The following BCAS1 variants were observed in gnomAD, a reference collection of about 807,000 sequenced individuals.
The protein encoded by BCAS1 is brain enriched myelin associated protein 1, also known as breast carcinoma-amplified sequence 1.
Under a neutral mutation model 65.4 loss-of-function variants are expected in BCAS1, and 46 were observed. That is an observed-to-expected ratio of 0.70 (90% CI 0.55 to 0.90). The LOEUF is 0.90. BCAS1 is among the 40% of genes least tolerant of loss of function. The pLI is 0.00. For synonymous variants in BCAS1, 298 were observed against 293.5 expected, an observed-to-expected ratio of 1.02 and a Z score of -0.16; for missense variants, 793 against 771.2, an observed-to-expected ratio of 1.03 and a Z score of -0.33.
At position 53,944,988 on chromosome 20, in the gene BCAS1, C is replaced by T. The variant is rs1349605754; in HGVS notation, c.1824G>A (p.Lys608=). The change falls in exon 13 of 13, where the codon AAG becomes AAA. Residue 608 remains lysine (K), a synonymous_variant. Coordinates refer to ENST00000688948, the MANE Select transcript of BCAS1 (RefSeq NM_001366298.2). ...LGGFFKGLGP[K]RMLDAQVQTD... Reference sequence around the variant, plus strand: ...TTTGCACTTGAGCATCCAACATCCGCTTTGGTCCCTGGAGAAAAACAGAAA... The same window carrying T: ...TTTGCACTTGAGCATCCAACATCCGTTTTGGTCCCTGGAGAAAAACAGAAA... 4 of 1,613,966 alleles carry T rather than the reference C, an allele frequency of 2.5e-6. No individual in the cohort carries two copies. In the Admixed American group the frequency reaches 6.7e-5, roughly 27 times the overall value.
chr20:54,054,635 C>T (rs1192902995), intron 3 of BCAS1, among the ~76,000 whole-genome samples: 2 of 152,194 alleles, frequency 1.3e-5, no homozygotes, highest in African/African-American at 4.8e-5. Context: ...AAAATTGCTA[C>T]CTCGGGATTA....
chr20:53,998,759 G>A lies in BCAS1; in HGVS notation c.724-2709C>T, dbSNP rs115782221. Reference sequence around the variant, plus strand: ...TCCTAAGCTAGTATAATTTGAACAAGGTCGCTTAATCTTAATATATTATTA... The same window carrying A: ...TCCTAAGCTAGTATAATTTGAACAAAGTCGCTTAATCTTAATATATTATTA... On this transcript the variant is annotated intron_variant, in intron 4 of 12. Transcript: ENST00000688948. Among the ~76,000 whole-genome samples the A allele has an allele frequency of 6.4e-3, 969 of 152,132 alleles. 11 individuals are homozygous for A. Among genetic ancestry groups the A allele is most frequent in the African/African-American group, 0.022 (908 of 41,482 alleles).
intron 9 of BCAS1, among the ~76,000 whole-genome samples, chr20:53,975,045 C>T (rs576072549): frequency 1.3e-5 from 2 of 152,284 alleles, no homozygotes; most frequent in Non-Finnish European, 2.9e-5. Flanking sequence ...AGTGAACGAG[C>T]AGTCAAGGTG....
intron 3 of BCAS1, among the ~76,000 whole-genome samples, chr20:54,042,132 C>A (rs922295317): frequency 2.0e-5 from 3 of 151,952 alleles, no homozygotes; most frequent in African/African-American, 7.2e-5. Context: ...GTAGTTGTGG[C>A]AAAAAACTGG....
chr20:54,056,313 G>A (rs1286894912), intron 3 of BCAS1, among the ~76,000 whole-genome samples: 2 of 152,134 alleles, frequency 1.3e-5, no homozygotes, highest in African/African-American at 2.4e-5. Context: ...CAGCAACGTG[G>A]ATGGAACTGG....
chr20:53,965,091 C>T (rs184195454), intron 10 of BCAS1, among the ~76,000 whole-genome samples: 6 of 152,308 alleles, frequency 3.9e-5, no homozygotes, highest in African/African-American at 1.2e-4. Context: ...GTCTTAATCT[C>T]CATTTTCACT....
intron 7 of BCAS1, among the ~76,000 whole-genome samples, chr20:53,991,158 CA>C (rs935132128): frequency 6.6e-6 from 1 of 152,184 alleles, no homozygotes; most frequent in African/African-American, 2.4e-5. Context: ...ACAAAAGCTC[CA>C]AGTGGGAGTT....
chr20:54,040,336 G>A (rs1311415226), intron 3 of BCAS1, among the ~76,000 whole-genome samples: 2 of 151,338 alleles, frequency 1.3e-5, no homozygotes, highest in Non-Finnish European at 3.0e-5. Flanking sequence ...CAGCTTACCA[G>A]GGGAGGTGGC....
chr20:53,994,012 T>C (rs2090835327), intron 6 of BCAS1, among the ~76,000 whole-genome samples: 1 of 152,238 alleles, frequency 6.6e-6, no homozygotes, highest in African/African-American at 2.4e-5. Flanking sequence ...GTCCCAATTT[T>C]ATAGACATGA....
At position 54,035,326 on chromosome 20, in the gene BCAS1, G is replaced by A. The variant is rs1293025901; in HGVS notation, c.143-6354C>T. ...TGAGGCAGGAGAATGGTGTGAACCC[G>A]GGAGACAGAGCTTGCACTGAGCCGA... On this transcript the variant is annotated intron_variant, in intron 3 of 12. Coordinates refer to ENST00000688948, the MANE Select transcript of BCAS1 (RefSeq NM_001366298.2). Among the ~76,000 whole-genome samples the A allele has an allele frequency of 2.0e-5, 3 of 148,562 alleles. 1 individual carries two copies. The highest frequency in any genetic ancestry group is 7.4e-5 in the African/African-American group (3 of 40,708).
At chr20:53,987,599 G>A (rs2090646351) in intron 7 of BCAS1, among the ~76,000 whole-genome samples, 1 of 152,170 alleles carries the variant, frequency 6.6e-6, no homozygotes, top group Non-Finnish European at 1.5e-5. Flanking sequence ...GCCATGATAT[G>A]TACTAAGTGC....
chr20:53,998,434 G>A (rs998033678), intron 4 of BCAS1, among the ~76,000 whole-genome samples: 11 of 152,296 alleles, frequency 7.2e-5, no homozygotes, highest in Middle Eastern at 3.4e-3. Context: ...CAATCATGGC[G>A]GAAGGAGAAG....
At chr20:54,034,734 A>G (rs1404456464) in intron 3 of BCAS1, among the ~76,000 whole-genome samples, 2 of 151,456 alleles carry the variant, frequency 1.3e-5, no homozygotes, top group African/African-American at 4.8e-5. Context: ...ATTCAATGCT[A>G]TACCTATTAA....
At chr20:54,052,268 C>A (rs1269257924) in intron 3 of BCAS1, among the ~76,000 whole-genome samples, 1 of 152,180 alleles carries the variant, frequency 6.6e-6, no homozygotes, top group South Asian at 2.1e-4. Flanking sequence ...GTGTCTCAAC[C>A]AGCCCCAGCC....
At chr20:54,047,314 G>A (rs1189798537) in intron 3 of BCAS1, among the ~76,000 whole-genome samples, 2 of 152,194 alleles carry the variant, frequency 1.3e-5, no homozygotes, top group East Asian at 1.9e-4. Flanking sequence ...ACTACATACT[G>A]TTGGTTATAT....
intron 6 of BCAS1, among the ~76,000 whole-genome samples, chr20:53,993,948 A>C (rs1406134106): frequency 1.3e-5 from 2 of 152,246 alleles, no homozygotes; most frequent in Non-Finnish European, 2.9e-5. Context: ...TACAGTTTGC[A>C]AAACAATGCC....
At chr20:53,971,409 A>T (rs2090176037) in intron 9 of BCAS1, among the ~76,000 whole-genome samples, 1 of 152,260 alleles carries the variant, frequency 6.6e-6, no homozygotes, top group Non-Finnish European at 1.5e-5. Context: ...GAGAAAAGAA[A>T]AAATAAAACA....
At chr20:53,967,365 C>A (rs2090062353) in intron 9 of BCAS1, among the ~76,000 whole-genome samples, 1 of 152,130 alleles carries the variant, frequency 6.6e-6, no homozygotes, top group African/African-American at 2.4e-5. Context: ...GCTCAATACC[C>A]AATCAAATCT....
At chr20:54,058,306 C>G in intron 2 of BCAS1, 152 bp from the exon 3 acceptor site, 1 of 744,318 alleles carries the variant, frequency 1.3e-6, no homozygotes, top group Non-Finnish European at 2.2e-6. Context: ...TTCTATCATG[C>G]CTTGGAGAAC....
Sources: gnomAD v4.1 joint callset for allele counts (sites outside exome capture counted in the v4.1 genomes callset) on GRCh38, gnomAD v4.1.1 for gene constraint, MANE v1.5 for transcripts, NCBI Gene and HGNC (gene_info 2026-07-23, HGNC 2026-07-21) for gene names.